ZDHHC21: variants seen among roughly 807,000 people sequenced by gnomAD.
ZDHHC21 encodes the protein palmitoyltransferase ZDHHC21.
ZDHHC21 carries 15 observed loss-of-function variants against 34.6 expected under a neutral mutation model. The ratio of observed to expected loss-of-function variants is 0.43; its 90% CI spans 0.29 to 0.67. The LOEUF is 0.67. Among genes scored for constraint, ZDHHC21 ranks in the 30% least tolerant of loss-of-function variants. ZDHHC21 has a pLI of 0.14. For missense variants in ZDHHC21, 344 were observed against 327.7 expected, an observed-to-expected ratio of 1.05 and a Z score of -0.38; for synonymous variants, 142 against 101.8, an observed-to-expected ratio of 1.40 and a Z score of -2.38.
chr9:14,610,116 C>T (rs1823154557), downstream of ZDHHC21, among the ~76,000 whole-genome samples: 1 of 151,864 alleles, frequency 6.6e-6, no homozygotes, highest in South Asian at 2.1e-4. Context: ...CATTTTGTTT[C>T]AAATTCTCCT....
At chr9:14,641,542 T>C (rs539659610) in intron 7 of ZDHHC21, among the ~76,000 whole-genome samples, 1 of 152,144 alleles carries the variant, frequency 6.6e-6, no homozygotes, top group African/African-American at 2.4e-5. Context: ...CAAAAAATTG[T>C]ACCCAGATGA....
chr9:14,659,071 G>C (rs1193228370), intron 6 of ZDHHC21, among the ~76,000 whole-genome samples, 184 bp from the exon 7 acceptor site: 2 of 152,146 alleles, frequency 1.3e-5, no homozygotes, highest in African/African-American at 2.4e-5. Context: ...TCTTATATTT[G>C]TAAAGCACTT....
chr9:14,605,017 G>A, the ZDHHC21 span, among the ~76,000 whole-genome samples: 6 of 152,124 alleles, frequency 3.9e-5, no homozygotes, highest in Non-Finnish European at 7.4e-5. Context: ...CAAGGTTCAA[G>A]CTGCAGCATC....
rs1823799129 is a variant in ZDHHC21 at position 14,614,204 on chromosome 9, C to T, written c.*4762G>A. The stretch of plus-strand genomic sequence containing the variant: ...ATCTTAGTAAGTTTGTGGATACTCA[C>T]TACTCATTTGTACCTATTCTCTAGG... On this transcript the variant is annotated 3_prime_UTR_variant, in exon 10 of 10. Coordinates refer to ENST00000380916, the MANE Select transcript of ZDHHC21 (RefSeq NM_178566.6). 6.6e-6 allele frequency: 1 copy of T among 151,730 alleles called. No individual in the cohort carries two copies. Among genetic ancestry groups the T allele is most frequent in the Admixed American group, 6.6e-5 (1 of 15,178 alleles). The allele number at this position is 151,730 out of a possible 1,614,324, so 9.4% of individuals were successfully genotyped here.
intron 8 of ZDHHC21, 72 bp from the exon 9 acceptor site, chr9:14,619,754 T>C: frequency 2.2e-6 from 2 of 901,792 alleles, no homozygotes; most frequent in Admixed American, 3.5e-5. Flanking sequence ...CACTCTATCA[T>C]GTTTTTAATC....
the ZDHHC21 span, among the ~76,000 whole-genome samples, chr9:14,592,578 C>T: frequency 7.2e-5 from 11 of 152,160 alleles, no homozygotes; most frequent in African/African-American, 2.2e-4. Flanking sequence ...TTAAAGATTT[C>T]AATACCCCAT....
At chr9:14,610,942 C>G (rs1198547587), downstream of ZDHHC21, 1 of 151,808 alleles carries the variant, frequency 6.6e-6, no homozygotes, top group African/African-American at 2.4e-5. Flanking sequence ...TATCCTAAGG[C>G]TAGTAATCAT....
At chr9:14,599,964 G>A in the ZDHHC21 span, among the ~76,000 whole-genome samples, 3 of 152,110 alleles carry the variant, frequency 2.0e-5, no homozygotes, top group African/African-American at 4.8e-5. Flanking sequence ...ACCCCTTCAT[G>A]CTAAAAACTC....
At chr9:14,692,000 G>A (rs538914689) in intron 1 of ZDHHC21, among the ~76,000 whole-genome samples, 2 of 152,234 alleles carry the variant, frequency 1.3e-5, no homozygotes, top group East Asian at 3.9e-4. Flanking sequence ...ACCCACAGCT[G>A]GATAGTGACA....
intron 8 of ZDHHC21, among the ~76,000 whole-genome samples, chr9:14,622,936 C>G (rs1016495716): frequency 2.0e-5 from 3 of 152,146 alleles, no homozygotes; most frequent in African/African-American, 7.2e-5. Flanking sequence ...CTTGTTGATG[C>G]TTCCAAGTCT....
chr9:14,641,361 T>C (rs1327161950), intron 7 of ZDHHC21, among the ~76,000 whole-genome samples: 1 of 152,090 alleles, frequency 6.6e-6, no homozygotes, highest in East Asian at 1.9e-4. Flanking sequence ...CTATAAAACA[T>C]ATAAAACCAA....
intron 5 of ZDHHC21, among the ~76,000 whole-genome samples, chr9:14,665,524 A>G (rs1045380084): frequency 9.9e-5 from 15 of 152,052 alleles, no homozygotes; most frequent in African/African-American, 3.6e-4. Flanking sequence ...CCCAAGAAGA[A>G]AAACTCCAAG....
At position 14,662,633 on chromosome 9, in the gene ZDHHC21, G is replaced by A. The variant is rs184876430; in HGVS notation, c.254-307C>T. ...TGTGAGAATATAAGTAAAATCCAATGACAAAACCCTAGAGCCCAACCAAAT... is the reference window on the plus strand; with the variant it reads ...TGTGAGAATATAAGTAAAATCCAATAACAAAACCCTAGAGCCCAACCAAAT... On this transcript the variant is annotated intron_variant, in intron 5 of 9. Coordinates refer to ENST00000380916, the MANE Select transcript of ZDHHC21 (RefSeq NM_178566.6). Among the ~76,000 whole-genome samples, 28 of 152,190 alleles carry A rather than the reference G, an allele frequency of 1.8e-4. No individual in the cohort carries two copies. In the East Asian group the frequency reaches 4.4e-3, roughly 24 times the overall value.
intron 3 of ZDHHC21, among the ~76,000 whole-genome samples, chr9:14,678,781 G>C (rs1244279495): frequency 2.6e-5 from 4 of 152,028 alleles, no homozygotes; most frequent in African/African-American, 4.8e-5. Context: ...GTAGAGAAAA[G>C]GGAATGATCA....
At chr9:14,592,673 TGACA>T in the ZDHHC21 span, among the ~76,000 whole-genome samples, 1 of 152,184 alleles carries the variant, frequency 6.6e-6, no homozygotes, top group African/African-American at 2.4e-5. Context: ...CTGCCCTAAC[TGACA>T]TTTATAGAAT....
At chr9:14,676,101 T>C (rs978167754) in intron 3 of ZDHHC21, among the ~76,000 whole-genome samples, 2 of 152,042 alleles carry the variant, frequency 1.3e-5, no homozygotes, top group African/African-American at 4.8e-5. Flanking sequence ...TGACGAAATG[T>C]GTACCGTGAA....
At chr9:14,675,346 A>G (rs1450859731) in intron 3 of ZDHHC21, among the ~76,000 whole-genome samples, 1 of 151,988 alleles carries the variant, frequency 6.6e-6, no homozygotes, top group African/African-American at 2.4e-5. Flanking sequence ...ATAATAATAA[A>G]CTAGGACAAC....
At chr9:14,639,150 T>C (rs1281504278) in intron 8 of ZDHHC21, among the ~76,000 whole-genome samples, 1 of 152,088 alleles carries the variant, frequency 6.6e-6, no homozygotes, top group Non-Finnish European at 1.5e-5. Context: ...ATCTGGTATA[T>C]ATACACAATG....
chr9:14,593,433 A>G, the ZDHHC21 span: 3 of 152,302 alleles, frequency 2.0e-5, no homozygotes, highest in East Asian at 3.9e-4. Flanking sequence ...TAAATTTCCA[A>G]AACAGGCTTA....
Sources: gnomAD v4.1 joint callset for allele counts (sites outside exome capture counted in the v4.1 genomes callset) on GRCh38, gnomAD v4.1.1 for gene constraint, MANE v1.5 for transcripts, NCBI Gene and HGNC (gene_info 2026-07-23, HGNC 2026-07-21) for gene names.